SPATA6L: variants seen among roughly 807,000 people sequenced by gnomAD.
SPATA6L encodes the protein spermatogenesis associated 6-like protein.
In SPATA6L, 68 loss-of-function variants were observed where a neutral mutation model predicts 49.2. The observed-to-expected ratio is 1.38, with a 90% confidence interval of 1.14 to 1.69. The LOEUF (loss-of-function observed/expected upper bound fraction) is 1.69. SPATA6L is among the 40% of genes most tolerant of loss of function. SPATA6L has a pLI of 0.00. For synonymous variants in SPATA6L, 198 were observed against 165.7 expected, an observed-to-expected ratio of 1.19 and a Z score of -1.50; for missense variants, 668 against 464.3, an observed-to-expected ratio of 1.44 and a Z score of -4.03.
intron 9 of SPATA6L, among the ~76,000 whole-genome samples, chr9:4,609,806 C>T (rs970684922): frequency 6.6e-6 from 1 of 151,320 alleles, no homozygotes; most frequent in Non-Finnish European, 1.5e-5. Context: ...GGCAATTAGG[C>T]AGGAGAAGGA....
At chr9:4,665,660 A>G (rs757538488) in intron 1 of SPATA6L, among the ~76,000 whole-genome samples, 5 of 152,236 alleles carry the variant, frequency 3.3e-5, no homozygotes, top group Non-Finnish European at 5.9e-5. Flanking sequence ...CCCCAAGTAG[A>G]AACCATGGAG....
At chr9:4,626,606 C>G in intron 5 of SPATA6L, 1 of 1,244,778 alleles carries the variant, frequency 8.0e-7, no homozygotes, top group South Asian at 1.3e-5. Flanking sequence ...CAGTGTTCCC[C>G]TTTTATCTTT....
At chr9:4,589,361 G>A (rs923433937) in intron 13 of SPATA6L, among the ~76,000 whole-genome samples, 1 of 152,112 alleles carries the variant, frequency 6.6e-6, no homozygotes, top group African/African-American at 2.4e-5. Context: ...GGATGCAATT[G>A]CTGTTCCAGT....
chr9:4,646,426 G>T, intron 3 of SPATA6L: 1 of 1,256,132 alleles, frequency 8.0e-7, no homozygotes, highest in African/African-American at 1.5e-5. Flanking sequence ...CATTTTGACA[G>T]GCCAAATTTA....
chr9:4,652,807 C>T (rs1332807812), intron 3 of SPATA6L, among the ~76,000 whole-genome samples: 2 of 146,052 alleles, frequency 1.4e-5, no homozygotes, highest in East Asian at 4.0e-4. Context: ...CACGATTGCA[C>T]TCCAGCCTAG....
chr9:4,640,832 T>C (rs1237371671), intron 3 of SPATA6L, among the ~76,000 whole-genome samples: 1 of 148,470 alleles, frequency 6.7e-6, no homozygotes, highest in Non-Finnish European at 1.5e-5. Flanking sequence ...AGATTGTAAA[T>C]TAAAAAAACA....
At chr9:4,653,801 G>T (rs1401101524) in intron 3 of SPATA6L, among the ~76,000 whole-genome samples, 2 of 152,142 alleles carry the variant, frequency 1.3e-5, no homozygotes, top group African/African-American at 4.8e-5. Flanking sequence ...GCTAGGCATG[G>T]TGCTGTGCGC....
At chr9:4,647,303 T>A (rs560270967) in intron 3 of SPATA6L, among the ~76,000 whole-genome samples, 56 of 152,192 alleles carry the variant, frequency 3.7e-4, no homozygotes, top group Admixed American at 2.9e-3. Flanking sequence ...AAAATATAAC[T>A]TTTCAAGGCC....
In SPATA6L at chr9:4,600,358, G is replaced by A. The variant is rs988587596; in HGVS notation, c.*453C>T. On this transcript the variant is annotated 3_prime_UTR_variant, in exon 12 of 12. Coordinates refer to ENST00000682582, the MANE Select transcript of SPATA6L (RefSeq NM_001353486.2). ...GAAATAAACAAACAACAACAAAAAC[G>A]GATCTACCGAAAAGAGAAAGTCAGG... Among the ~76,000 whole-genome samples, 30 of 152,068 alleles carry A rather than the reference G, an allele frequency of 2.0e-4. No individual in the cohort carries two copies. The highest frequency in any genetic ancestry group is 2.0e-3 in the Admixed American group (30 of 15,260).
At chr9:4,596,123 T>C (rs1822233915), downstream of SPATA6L, among the ~76,000 whole-genome samples, 1 of 152,188 alleles carries the variant, frequency 6.6e-6, no homozygotes, top group African/African-American at 2.4e-5. Flanking sequence ...ACACTTGAAA[T>C]ATCTCGTTTA....
At position 4,666,194 on chromosome 9, in the gene SPATA6L, A is replaced by G; in HGVS notation, c.39+18T>C. The G allele has an allele frequency of 6.2e-7, 1 of 1,613,478 alleles. No homozygotes were observed. Among genetic ancestry groups the G allele is most frequent in the Non-Finnish European group, 8.5e-7 (1 of 1,179,598 alleles). ...GTCCGACTTGAGGTTAAGGAGGGGG[A>G]GTTCATCGATCTCTTACCGCCCGGA... On this transcript the variant is annotated intron_variant, in intron 1 of 11. Transcript: ENST00000682582.
intron 9 of SPATA6L, among the ~76,000 whole-genome samples, chr9:4,610,663 A>C (rs1358272752): frequency 6.6e-6 from 1 of 152,086 alleles, no homozygotes; most frequent in Non-Finnish European, 1.5e-5. Flanking sequence ...GGATTAAAGA[A>C]TTAAATGTTA....
chr9:4,622,339 G>C, intron 7 of SPATA6L, 69 bp downstream of exon 7: 1 of 912,546 alleles, frequency 1.1e-6, no homozygotes. Flanking sequence ...TCCTCAGAAT[G>C]AAAGAGTATA....
chr9:4,604,070 G>A (rs1824071844), intron 11 of SPATA6L, 109 bp downstream of exon 11: 1 of 694,968 alleles, frequency 1.4e-6, no homozygotes, highest in Admixed American at 2.8e-5. Flanking sequence ...CAAGTCTCCT[G>A]TCCTCCACAC....
chr9:4,656,971 A>C (rs1838414125), intron 2 of SPATA6L, among the ~76,000 whole-genome samples: 1 of 152,216 alleles, frequency 6.6e-6, no homozygotes, highest in South Asian at 2.1e-4. Context: ...GGAAAGAAAG[A>C]GAGAAGAGTC....
At position 4,599,026 on chromosome 9, in the gene SPATA6L, T is replaced by C. The variant is rs988666133; in HGVS notation, c.*1785A>G. Among the ~76,000 whole-genome samples, 4 of 152,228 alleles carry C rather than the reference T, an allele frequency of 2.6e-5. No individual in the cohort carries two copies. The highest frequency in any genetic ancestry group is 4.8e-5 in the African/African-American group (2 of 41,464). ...GAATATTTACATAAACACAATGAAG[T>C]ATCTTCAGGATAGGGGATAGGACCC... On this transcript the variant is annotated 3_prime_UTR_variant, in exon 12 of 12. Transcript: ENST00000682582.
At chr9:4,607,341 G>A (rs1825536742) in intron 9 of SPATA6L, among the ~76,000 whole-genome samples, 1 of 152,042 alleles carries the variant, frequency 6.6e-6, no homozygotes, top group East Asian at 1.9e-4. Context: ...ACACATAATT[G>A]TCAGATTCAC....
chr9:4,657,777 A>G (rs536746047), intron 2 of SPATA6L, among the ~76,000 whole-genome samples: 1 of 152,290 alleles, frequency 6.6e-6, no homozygotes, highest in African/African-American at 2.4e-5. Context: ...TCTGATAGGT[A>G]AAGTCTCTAG....
At chr9:4,627,926 C>A (rs1033721544) in intron 5 of SPATA6L, 7 of 707,816 alleles carry the variant, frequency 9.9e-6, no homozygotes, top group Non-Finnish European at 1.5e-5. Context: ...TGCTATTCAG[C>A]CATTATTTTT....
Sources: allele counts gnomAD v4.1 joint callset (sites outside exome capture counted in the v4.1 genomes callset), GRCh38; gene constraint gnomAD v4.1.1; transcripts MANE v1.5; gene names NCBI Gene and HGNC (gene_info 2026-07-23, HGNC 2026-07-21).